NUDT12: variants seen among roughly 807,000 people sequenced by gnomAD.
The protein encoded by NUDT12 is NAD-capped RNA hydrolase NUDT12.
A neutral mutation model predicts 45.7 loss-of-function variants in NUDT12; 42 were observed. The observed-to-expected ratio is 0.92, with a 90% CI of 0.72 to 1.19. The LOEUF (loss-of-function observed/expected upper bound fraction) is 1.19, where lower values mean the gene tolerates loss of function less well. Among genes scored for constraint, NUDT12 ranks in the 50% most tolerant of loss-of-function variants. The pLI is 0.00. For synonymous variants in NUDT12, 206 were observed against 179.7 expected, an observed-to-expected ratio of 1.15 and a Z score of -1.17; for missense variants, 590 against 533.1, an observed-to-expected ratio of 1.11 and a Z score of -1.05.
At chr5:103,558,466 T>A (rs1024891953) in intron 3 of NUDT12, among the ~76,000 whole-genome samples, 12 of 152,100 alleles carry the variant, frequency 7.9e-5, no homozygotes, top group Non-Finnish European at 1.0e-4. Context: ...GTGTCTTTTT[T>A]AAAAAAATAT....
chr5:103,562,625 A>C (rs1358698703), intron 1 of NUDT12, 78 bp downstream of exon 1: 1 of 152,318 alleles, frequency 6.6e-6, no homozygotes, highest in East Asian at 1.9e-4. Flanking sequence ...GCAGCGCGGG[A>C]ACCAAAGAGC....
At position 103,558,981 on chromosome 5, in the gene NUDT12, T is replaced by C. The variant is rs748351507; in HGVS notation, c.694A>G (p.Ile232Val). The change falls in exon 3 of 7, where the codon ATA becomes GTA. Residue 232 changes from isoleucine to valine, a missense_variant. By Grantham distance (29) the Ile-to-Val change is conservative. Coordinates refer to ENST00000230792, the MANE Select transcript of NUDT12 (RefSeq NM_031438.4). Reference sequence around the variant, plus strand: ...AATTCTTCAGCAGCAATAGGATCTATACCTAGAGCAAACCAGGCAACCAAT... The same window carrying C: ...AATTCTTCAGCAGCAATAGGATCTACACCTAGAGCAAACCAGGCAACCAAT... The part of the protein sequence containing the change: ...DGLVAWFALG[I>V]DPIAAEEFKQ... The C allele has an allele frequency of 1.9e-5, 30 of 1,613,712 alleles. No individual in the cohort carries two copies. The highest frequency in any genetic ancestry group is 1.7e-5 in the Non-Finnish European group (20 of 1,179,676).
intron 4 of NUDT12, among the ~76,000 whole-genome samples, chr5:103,555,123 T>G (rs1366640192): frequency 6.6e-6 from 1 of 152,028 alleles, no homozygotes; most frequent in Non-Finnish European, 1.5e-5. Context: ...TCTGTACTTA[T>G]GGATGTTAGG....
intron 3 of NUDT12, among the ~76,000 whole-genome samples, chr5:103,557,502 G>C (rs1748864880): frequency 6.6e-6 from 1 of 150,976 alleles, no homozygotes; most frequent in Admixed American, 6.6e-5. Context: ...CCATAATCTG[G>C]TTTCTGTTCG....
rs1477469144 is a variant in NUDT12 at position 103,559,026 on chromosome 5, G to C, written c.649C>G (p.Pro217Ala). 3.7e-6 allele frequency: 6 copies of C among 1,613,478 alleles called. No individual in the cohort carries two copies. Among genetic ancestry groups the C allele is most frequent in the Non-Finnish European group, 5.1e-6 (6 of 1,179,738 alleles). The change falls in exon 3 of 7, where the codon CCG becomes GCG. Residue 217 changes from proline to alanine, a missense_variant. Coordinates refer to ENST00000230792, the MANE Select transcript of NUDT12 (RefSeq NM_031438.4). ...DKLLNYAGEVPREEEDGLVAW... is the reference protein window; with the variant it reads ...DKLLNYAGEVAREEEDGLVAW... ...ACCAATCCATCTTCCTCCTCTCTCG[G>C]GACTTCACCAGCATAATTAAGTAGT...
intron 6 of NUDT12, among the ~76,000 whole-genome samples, chr5:103,551,188 A>G (rs571395949): frequency 6.6e-6 from 1 of 151,790 alleles, no homozygotes; most frequent in African/African-American, 2.4e-5. Context: ...TGGTGGGATC[A>G]TGGCTCATTG....
chr5:103,554,321 G>A (rs1343880485), intron 5 of NUDT12, among the ~76,000 whole-genome samples: 2 of 152,028 alleles, frequency 1.3e-5, no homozygotes, highest in Admixed American at 6.6e-5. Context: ...ATTAGGTGAT[G>A]ATGAGTGCCA....
chr5:103,559,405 AC>A lies in NUDT12; in HGVS notation c.269del (p.Gly90ValfsTer5), dbSNP rs773032702. The A allele has an allele frequency of 4.3e-6, 7 of 1,610,958 alleles. No individual in the cohort carries two copies. Among genetic ancestry groups the A allele is most frequent in the Non-Finnish European group, 5.9e-6 (7 of 1,178,848 alleles). On this transcript the variant is annotated frameshift_variant, in exon 3 of 7. Transcript: ENST00000230792. LOFTEE classifies it high-confidence loss of function. ...CTAGTAAATTAGCTATATGCTTATA[AC>A]CCCAAAATACAGCAATGTCCAGTGC... is the stretch of plus-strand genomic sequence containing the variant. ...QTALDIAVFWGYKHIANLLAT... is the reference protein window; with the variant it reads ...QTALDIAVFWXYKHIANLLAT...
intron 1 of NUDT12, among the ~76,000 whole-genome samples, chr5:103,560,811 T>C (rs1229612042): frequency 6.6e-6 from 1 of 152,212 alleles, no homozygotes; most frequent in Non-Finnish European, 1.5e-5. Flanking sequence ...TTACCATCTT[T>C]GTCCTACTAC....
Position 103,559,408 on chromosome 5 carries a change from C to T in NUDT12, c.267G>A (p.Trp89Ter), listed in dbSNP as rs1748956405. The T allele has an allele frequency of 6.2e-7, 1 of 1,610,456 alleles. No homozygotes were observed. The highest frequency in any genetic ancestry group is 1.3e-5 in the African/African-American group (1 of 74,860). Residue 89 changes from tryptophan (W) to a stop codon, truncating the protein, a stop_gained, in exon 3 of 7, where the codon TGG (tryptophan) becomes TGA (stop). Transcript: ENST00000230792. LOFTEE classifies it high-confidence loss of function. ...RQTALDIAVF[W>*]GYKHIANLLA... is the part of the protein sequence containing the mutation. ...GTAAATTAGCTATATGCTTATAACCCCAAAATACAGCAATGTCCAGTGCAG... is the reference window on the plus strand; with the variant it reads ...GTAAATTAGCTATATGCTTATAACCTCAAAATACAGCAATGTCCAGTGCAG...
At chr5:103,553,066 A>C (rs1355691844) in intron 5 of NUDT12, among the ~76,000 whole-genome samples, 6 of 152,118 alleles carry the variant, frequency 3.9e-5, no homozygotes. Context: ...AAAATCTGGA[A>C]GTTTAGAAAC....
intron 3 of NUDT12, among the ~76,000 whole-genome samples, chr5:103,557,280 G>GTTATATATATATATATATATAT: frequency 8.4e-6 from 1 of 118,932 alleles, no homozygotes. Flanking sequence ...ATCTTAAAAT[G>GTTATATATATATATATATATAT]ATATATATAT....
chr5:103,559,612 T>C (rs958842961), intron 2 of NUDT12, 144 bp from the exon 3 acceptor site: 10 of 478,768 alleles, frequency 2.1e-5, no homozygotes, highest in East Asian at 3.4e-5. Context: ...TTTTGTTACA[T>C]AGTTTACTAT....
rs186862595 is a variant in NUDT12, at chr5:103,553,481, T to G, written c.1079-1065A>C. Reference sequence around the variant, plus strand: ...AATTTAAAAGTCTGAAAATCCTAACTTGGTGAAGATGTGGAATAATGGAAC... The same window carrying G: ...AATTTAAAAGTCTGAAAATCCTAACGTGGTGAAGATGTGGAATAATGGAAC... On this transcript the variant is annotated intron_variant, in intron 5 of 6. Transcript: ENST00000230792. Among the ~76,000 whole-genome samples, 12 of 152,184 alleles carry G rather than the reference T, an allele frequency of 7.9e-5. No individual in the cohort carries two copies. In the East Asian group the frequency reaches 1.9e-3, roughly 25 times the overall value.
At position 103,556,465 on chromosome 5, in the gene NUDT12, C is replaced by T. The variant is rs565979395; in HGVS notation, c.797-367G>A. 1.2e-4 allele frequency among the ~76,000 whole-genome samples: 18 copies of T among 151,696 alleles called. No individual in the cohort carries two copies. In the South Asian group the frequency reaches 2.1e-3, roughly 18 times the overall value. ...AATAGTGATTTTAATAAAAATATACCACAAAGTCAGTTCTTAAGTGAGATT... is the reference window on the plus strand; with the variant it reads ...AATAGTGATTTTAATAAAAATATACTACAAAGTCAGTTCTTAAGTGAGATT... On this transcript the variant is annotated intron_variant, in intron 3 of 6. Transcript: ENST00000230792.
chr5:103,553,882 G>A (rs1748730567), intron 5 of NUDT12, among the ~76,000 whole-genome samples: 1 of 151,968 alleles, frequency 6.6e-6, no homozygotes, highest in Admixed American at 6.6e-5. Context: ...TCACTTATTA[G>A]CTGTTTGATC....
At chr5:103,562,491 A>G (rs548540651) in intron 1 of NUDT12, among the ~76,000 whole-genome samples, 81 of 152,004 alleles carry the variant, frequency 5.3e-4, no homozygotes, top group African/African-American at 1.7e-3. Context: ...AAACTCTACG[A>G]CCTCAGTACC....
Position 103,554,868 on chromosome 5 carries a change from A to AG in NUDT12, c.965-16_965-15insC. 1 of 1,194,526 alleles carries AG rather than the reference A, an allele frequency of 8.4e-7. No individual in the cohort carries two copies. The highest frequency in any genetic ancestry group is 1.5e-5 in the South Asian group (1 of 68,020). 74.0% of individuals were successfully genotyped at this position (1,194,526 alleles called of 1,614,324 possible). Reference sequence around the variant, plus strand: ...TACTACTGGATCTGTTGAAAAAAAAAATCAGATACATGAATGGCAGGAAAA... The same window carrying AG: ...TACTACTGGATCTGTTGAAAAAAAAAGATCAGATACATGAATGGCAGGAAAA... On this transcript the variant is annotated splice_polypyrimidine_tract_variant and intron_variant, in intron 4 of 6. Coordinates refer to ENST00000230792, the MANE Select transcript of NUDT12 (RefSeq NM_031438.4).
intron 1 of NUDT12, among the ~76,000 whole-genome samples, chr5:103,562,348 C>T (rs867018556): frequency 6.6e-6 from 1 of 152,118 alleles, no homozygotes; most frequent in Non-Finnish European, 1.5e-5. Flanking sequence ...AAGTGCCACC[C>T]GTGCACGGTC....
Sources: gnomAD v4.1 joint callset for allele counts (sites outside exome capture counted in the v4.1 genomes callset) on GRCh38, gnomAD v4.1.1 for gene constraint, MANE v1.5 for transcripts, NCBI Gene and HGNC (gene_info 2026-07-23, HGNC 2026-07-21) for gene names.